The following TOR1AIP1 variants were observed in gnomAD, a reference collection of about 807,000 sequenced individuals.
The protein encoded by TOR1AIP1 is torsin-1A-interacting protein 1.
TOR1AIP1 carries 54 observed loss-of-function variants against 63.3 expected under a neutral mutation model. That is an observed-to-expected ratio of 0.85 (90% CI 0.69 to 1.07). The LOEUF (loss-of-function observed/expected upper bound fraction) is 1.07, where lower values mean the gene tolerates loss of function less well. Ranked by LOEUF, TOR1AIP1 falls within the 50% of genes least tolerant of loss-of-function variation. The pLI is 0.00. For synonymous variants in TOR1AIP1, 294 were observed against 273.5 expected, an observed-to-expected ratio of 1.07 and a Z score of -0.74; for missense variants, 736 against 715.0, an observed-to-expected ratio of 1.03 and a Z score of -0.33.
chr1:179,912,334 A>T (rs1475230323), intron 8 of TOR1AIP1, among the ~76,000 whole-genome samples: 1 of 152,146 alleles, frequency 6.6e-6, no homozygotes, highest in Non-Finnish European at 1.5e-5. Context: ...TTTTTCTTTT[A>T]AAAAGATGTT....
At position 179,918,153 on chromosome 1, in the gene TOR1AIP1, A is replaced by G; in HGVS notation, c.1666A>G (p.Lys556Glu). The change falls in exon 10 of 10, where the codon AAA becomes GAA. Residue 556 changes from lysine to glutamate, a missense_variant. Transcript: ENST00000606911. ...PNSYNHMDPD[K>E]LNGLWSRISH... ...CTCCTACAATCATATGGACCCAGAC[A>G]AACTGAATGGCCTCTGGAGCCGTAT... 1 of 1,613,538 alleles carries G rather than the reference A, an allele frequency of 6.2e-7. No individual in the cohort carries two copies. The highest frequency in any genetic ancestry group is 8.5e-7 in the Non-Finnish European group (1 of 1,180,034).
At chr1:179,883,852 T>G in intron 1 of TOR1AIP1, 1 of 314,754 alleles carries the variant, frequency 3.2e-6, no homozygotes, top group Non-Finnish European at 6.2e-6. Context: ...GACCTAACAC[T>G]GAGTCACAGA....
At chr1:179,905,886 A>T (rs576916397) in intron 6 of TOR1AIP1, among the ~76,000 whole-genome samples, 12 of 152,022 alleles carry the variant, frequency 7.9e-5, no homozygotes, top group Admixed American at 5.9e-4. Context: ...CCAACAGGCA[A>T]CGGCGGCAGT....
chr1:179,898,644 T>C (rs893666405), intron 3 of TOR1AIP1, among the ~76,000 whole-genome samples: 5 of 152,166 alleles, frequency 3.3e-5, no homozygotes, highest in African/African-American at 1.2e-4. Flanking sequence ...GTGCTGGGAT[T>C]ACAGGCTAGG....
intron 8 of TOR1AIP1, among the ~76,000 whole-genome samples, chr1:179,912,550 G>A (rs890300083): frequency 1.3e-5 from 2 of 151,984 alleles, no homozygotes; most frequent in African/African-American, 4.8e-5. Flanking sequence ...CAGCATTTTT[G>A]TATATATTAT....
intron 3 of TOR1AIP1, among the ~76,000 whole-genome samples, chr1:179,899,705 C>T (rs369408781): frequency 1.6e-4 from 25 of 152,176 alleles, no homozygotes; most frequent in African/African-American, 5.8e-4. Flanking sequence ...TATACAGTGG[C>T]GCGATCTCGG....
intron 8 of TOR1AIP1, among the ~76,000 whole-genome samples, chr1:179,909,912 C>T (rs906883467): frequency 4.6e-5 from 7 of 151,992 alleles, no homozygotes; most frequent in Admixed American, 3.3e-4. Flanking sequence ...TGCATGCATG[C>T]GCCACCATGC....
chr1:179,885,795 C>T (rs561532478), intron 2 of TOR1AIP1, among the ~76,000 whole-genome samples: 2 of 152,180 alleles, frequency 1.3e-5, no homozygotes, highest in South Asian at 4.2e-4. Context: ...GGCTGGAGTG[C>T]AGTGGTGCCA....
chr1:179,884,671 C>T (rs897326427), intron 1 of TOR1AIP1, 21 bp from the exon 2 acceptor site: 1 of 1,590,852 alleles, frequency 6.3e-7, no homozygotes, highest in Middle Eastern at 1.7e-4. Flanking sequence ...AATTTTAACT[C>T]TTGTTATGTC....
Position 179,919,768 on chromosome 1 carries a change from C to A in TOR1AIP1, c.*1529C>A, listed in dbSNP as rs1427794853. On this transcript the variant is annotated 3_prime_UTR_variant, in exon 10 of 10. Coordinates refer to ENST00000606911, the MANE Select transcript of TOR1AIP1 (RefSeq NM_015602.4). Reference sequence around the variant, plus strand: ...CACAAGTGGTAGTAGAGTGGTTTAACGTCTTTCCTCTAGTACTACCAGTAT... The same window carrying A: ...CACAAGTGGTAGTAGAGTGGTTTAAAGTCTTTCCTCTAGTACTACCAGTAT... 2 of 152,152 alleles carry A rather than the reference C, an allele frequency of 1.3e-5. No individual in the cohort carries two copies. The highest frequency in any genetic ancestry group is 2.9e-5 in the Non-Finnish European group (2 of 68,028). The allele number at this position is 152,152 out of a possible 1,614,324, so 9.4% of individuals were successfully genotyped here. A position where few individuals can be genotyped will look rare whatever the true frequency, so the allele number is the denominator to read the frequency against.
At chr1:179,905,390 GAAA>G (rs1648601268) in intron 6 of TOR1AIP1, among the ~76,000 whole-genome samples, 1 of 151,162 alleles carries the variant, frequency 6.6e-6, no homozygotes, top group Non-Finnish European at 1.5e-5. Context: ...CAAGAAAAAA[GAAA>G]AAAAGAAAAA....
In TOR1AIP1 at chr1:179,918,177, AT is replaced by A; in HGVS notation, c.1693del (p.Ser565LeufsTer3). On this transcript the variant is annotated frameshift_variant, in exon 10 of 10. Coordinates refer to ENST00000606911, the MANE Select transcript of TOR1AIP1 (RefSeq NM_015602.4). LOFTEE classifies it high-confidence loss of function. ...CAAACTGAATGGCCTCTGGAGCCGT[AT>A]TTCTCACTTAGTTCTGCCTGTGCAA... ...PDKLNGLWSRISHLVLPVQPE... is the reference protein window; with the variant it reads ...PDKLNGLWSRXSHLVLPVQPE... 1.2e-6 allele frequency: 2 copies of A among 1,612,082 alleles called. No individual in the cohort carries two copies. Among genetic ancestry groups the A allele is most frequent in the South Asian group, 2.2e-5 (2 of 91,078 alleles).
At chr1:179,906,740 C>T (rs1212723188) in intron 6 of TOR1AIP1, among the ~76,000 whole-genome samples, 1 of 139,862 alleles carries the variant, frequency 7.1e-6, no homozygotes, top group African/African-American at 2.6e-5. Flanking sequence ...GTTCCCCCCC[C>T]CCCTTTTTTT....
At chr1:179,902,976 AGCCTGG>A (rs1648513789) in intron 5 of TOR1AIP1, among the ~76,000 whole-genome samples, 1 of 151,992 alleles carries the variant, frequency 6.6e-6, no homozygotes, top group Non-Finnish European at 1.5e-5. Context: ...ATCGCACTTC[AGCCTGG>A]GCAACAGAGC....
chr1:179,908,697 T>G, intron 8 of TOR1AIP1, 24 bp downstream of exon 8: 2 of 1,584,906 alleles, frequency 1.3e-6, no homozygotes. Flanking sequence ...TCTCTGTTAT[T>G]GAAATAATCT....
At chr1:179,894,076 C>T (rs1306705805) in intron 3 of TOR1AIP1, among the ~76,000 whole-genome samples, 2 of 150,776 alleles carry the variant, frequency 1.3e-5, no homozygotes, top group Non-Finnish European at 3.0e-5. Context: ...ATGGTGAAAC[C>T]CCATCTCTAC....
rs145521179 is a variant in TOR1AIP1 at position 179,884,747 on chromosome 1, C to CTCA, written c.531_532insTCA (p.Val177_Arg178insSer). ...GCCAAACGATCTCAAAGAAAACTGT[C>CTCA]AGGAGCATACAAGAGGCTCCAGGTA... On this transcript the variant is annotated inframe_insertion, in exon 2 of 10. Coordinates refer to ENST00000606911, the MANE Select transcript of TOR1AIP1 (RefSeq NM_015602.4). 4.9e-4 allele frequency: 787 copies of CTCA among 1,611,616 alleles called. 5 individuals are homozygous for CTCA. The East Asian group carries it at 0.014, about 29-fold the overall frequency.
Position 179,900,135 on chromosome 1 carries a change from G to T in TOR1AIP1, c.620G>T (p.Ser207Ile). ...TGCTTTTTTCTTCTAGAAGCCACCA[G>T]TGTCCAACAGAAGGTCAATTTCTCT... The part of the protein sequence containing the change: ...PLRYPRYEAT[S>I]VQQKVNFSEE... The change falls in exon 4 of 10, where the codon AGT (serine) becomes ATT (isoleucine). Residue 207 changes from serine (S) to isoleucine (I), a missense_variant. Around this residue, in one of 2 missense-constraint regions of TOR1AIP1, gnomAD observed 464 missense variants for 371.0 expected, o/e 1.25. Coordinates refer to ENST00000606911, the MANE Select transcript of TOR1AIP1 (RefSeq NM_015602.4). 6.2e-7 allele frequency: 1 copy of T among 1,605,600 alleles called. No individual in the cohort carries two copies. Among genetic ancestry groups the T allele is most frequent in the South Asian group, 1.1e-5 (1 of 90,546 alleles).
intron 8 of TOR1AIP1, among the ~76,000 whole-genome samples, chr1:179,909,805 C>A (rs1480036585): frequency 6.6e-6 from 1 of 152,000 alleles, no homozygotes; most frequent in Non-Finnish European, 1.5e-5. Context: ...CTCTGTCGCC[C>A]AGGTTGGAGT....
Sources: allele counts gnomAD v4.1 joint callset (sites outside exome capture counted in the v4.1 genomes callset), GRCh38; gene constraint gnomAD v4.1.1; regional missense constraint gnomAD v4.1.1; transcripts MANE v1.5; gene names NCBI Gene and HGNC (gene_info 2026-07-23, HGNC 2026-07-21).